The following CACHD1 variants were observed in gnomAD, a reference collection of about 807,000 sequenced individuals.
CACHD1 encodes the protein VWFA and cache domain-containing protein 1.
CACHD1 carries 71 observed loss-of-function variants against 138.7 expected under a neutral mutation model. That is an observed-to-expected ratio of 0.51 (90% CI 0.42 to 0.62). The LOEUF (loss-of-function observed/expected upper bound fraction) is 0.62. Ranked by LOEUF, CACHD1 falls within the 20% of genes least tolerant of loss-of-function variation. The pLI, the probability that CACHD1 is intolerant of heterozygous loss-of-function variation, is 0.00. For synonymous variants in CACHD1, 578 were observed against 591.5 expected, an observed-to-expected ratio of 0.98 and a Z score of 0.33; for missense variants, 1,389 against 1,625.3, an observed-to-expected ratio of 0.85 and a Z score of 2.50.
chr1:64,632,318 C>A (rs2100640485), intron 5 of CACHD1, among the ~76,000 whole-genome samples: 1 of 149,314 alleles, frequency 6.7e-6, no homozygotes, highest in East Asian at 2.0e-4. Flanking sequence ...AAAAAGCCAA[C>A]CTCTGAAAGG....
chr1:64,599,278 AATAG>A (rs1469312544), intron 3 of CACHD1, among the ~76,000 whole-genome samples: 1 of 152,236 alleles, frequency 6.6e-6, no homozygotes, highest in Non-Finnish European at 1.5e-5. Flanking sequence ...ATCTATATCT[AATAG>A]ATAGGACTGT....
At chr1:64,627,720 GA>G (rs1648160848) in intron 4 of CACHD1, among the ~76,000 whole-genome samples, 1 of 152,128 alleles carries the variant, frequency 6.6e-6, no homozygotes, top group Non-Finnish European at 1.5e-5. Context: ...ATTTGAGGCC[GA>G]GGGATTTAGT....
At chr1:64,582,012 G>A (rs994964998) in intron 2 of CACHD1, 144 bp from the exon 3 acceptor site, 1 of 867,852 alleles carries the variant, frequency 1.2e-6, no homozygotes, top group African/African-American at 1.7e-5. Context: ...CCACACAGGG[G>A]AATATGACTT....
At chr1:64,554,931 C>T (rs562315755) in intron 2 of CACHD1, among the ~76,000 whole-genome samples, 2 of 152,216 alleles carry the variant, frequency 1.3e-5, no homozygotes, top group East Asian at 3.9e-4. Flanking sequence ...ATTTATGATT[C>T]GTAAATAAGT....
intron 1 of CACHD1, among the ~76,000 whole-genome samples, chr1:64,500,949 T>A (rs1646336374): frequency 6.6e-6 from 1 of 151,296 alleles, no homozygotes; most frequent in Non-Finnish European, 1.5e-5. Flanking sequence ...CTTGGGAGGC[T>A]GAGGCAGGAG....
intron 1 of CACHD1, among the ~76,000 whole-genome samples, chr1:64,534,097 G>A (rs1296370802): frequency 6.7e-6 from 1 of 149,118 alleles, no homozygotes; most frequent in African/African-American, 2.5e-5. Context: ...AGGCTGGAGT[G>A]TAGTGGCATG....
At chr1:64,680,367 G>A (rs2499821) in intron 24 of CACHD1, among the ~76,000 whole-genome samples, 51,048 of 151,722 alleles carry the variant, frequency 0.34, 11,505 homozygotes, top group East Asian at 0.78. Context: ...ACCTACCCGT[G>A]GTCTGAGCTA....
At chr1:64,471,285 C>T (rs1359422191) in intron 1 of CACHD1, among the ~76,000 whole-genome samples, 2 of 152,226 alleles carry the variant, frequency 1.3e-5, no homozygotes, top group Non-Finnish European at 2.9e-5. Flanking sequence ...ACACATTTCC[C>T]ATGTAGGCTT....
intron 1 of CACHD1, among the ~76,000 whole-genome samples, chr1:64,517,367 A>G (rs1448688394): frequency 2.0e-5 from 3 of 152,214 alleles, no homozygotes; most frequent in Admixed American, 2.0e-4. Flanking sequence ...TGGGAAATAA[A>G]TGATATCATA....
chr1:64,659,150 G>A (rs1649360569), intron 13 of CACHD1, among the ~76,000 whole-genome samples: 1 of 152,152 alleles, frequency 6.6e-6, no homozygotes, highest in African/African-American at 2.4e-5. Context: ...AGGCAAAAAA[G>A]ACAAGTTTGA....
At chr1:64,542,540 G>A (rs769900156) in intron 1 of CACHD1, among the ~76,000 whole-genome samples, 14 of 152,148 alleles carry the variant, frequency 9.2e-5, no homozygotes, top group Middle Eastern at 3.4e-3. Context: ...GGATGTATGT[G>A]CTTTTGTGAG....
intron 13 of CACHD1, among the ~76,000 whole-genome samples, chr1:64,661,629 C>T (rs1321202006): frequency 5.3e-5 from 8 of 152,124 alleles, no homozygotes; most frequent in Non-Finnish European, 8.8e-5. Context: ...CAGATCCTAA[C>T]TTCTTTGAGT....
intron 13 of CACHD1, among the ~76,000 whole-genome samples, chr1:64,660,182 C>T (rs1007371261): frequency 2.6e-5 from 4 of 152,136 alleles, no homozygotes; most frequent in Non-Finnish European, 5.9e-5. Context: ...CTTTTAAGTT[C>T]TGTGTGAGCA....
chr1:64,568,795 A>G (rs1412805144), intron 2 of CACHD1, among the ~76,000 whole-genome samples: 1 of 152,186 alleles, frequency 6.6e-6, no homozygotes, highest in East Asian at 1.9e-4. Context: ...CACCCTGTGT[A>G]TGCACATGTT....
intron 4 of CACHD1, among the ~76,000 whole-genome samples, chr1:64,627,570 A>G (rs1261044222): frequency 1.3e-5 from 2 of 152,164 alleles, no homozygotes; most frequent in Non-Finnish European, 2.9e-5. Flanking sequence ...AGGCGGGCAC[A>G]TGACTGTTGC....
intron 24 of CACHD1, 57 bp from the exon 25 acceptor site, chr1:64,681,201 A>G (rs1650161140): frequency 7.6e-7 from 1 of 1,318,810 alleles, no homozygotes; most frequent in Non-Finnish European, 1.1e-6. Flanking sequence ...AGGGTATTAA[A>G]GCGGGTGATT....
chr1:64,671,791 A>G lies in CACHD1; in HGVS notation c.2510+105A>G. ...CGCATAGTTATGGTCAGGAATAGAA[A>G]TCTAATTTATGGCCTGGGTGTCCTA... On this transcript the variant is annotated intron_variant, in intron 17 of 26. Transcript: ENST00000651257. The G allele has an allele frequency of 5.8e-6, 8 of 1,383,812 alleles. No homozygotes were observed. The South Asian group carries it at 9.0e-5, about 16-fold the overall frequency. The allele number at this position is 1,383,812 out of a possible 1,614,324, so 85.7% of individuals were successfully genotyped here.
At chr1:64,485,089 A>G (rs182754129) in intron 1 of CACHD1, among the ~76,000 whole-genome samples, 10 of 152,324 alleles carry the variant, frequency 6.6e-5, no homozygotes, top group African/African-American at 2.4e-4. Context: ...TCCCACCAGC[A>G]ATGCACAAGG....
chr1:64,500,735 AG>A (rs1205537124), intron 1 of CACHD1, among the ~76,000 whole-genome samples: 817 of 6,426 alleles, frequency 0.13, 16 homozygotes, highest in African/African-American at 0.18. Context: ...AAAAAAAAAA[AG>A]AGAGAGAGAG....
Sources: allele counts gnomAD v4.1 joint callset (sites outside exome capture counted in the v4.1 genomes callset), GRCh38; gene constraint gnomAD v4.1.1; transcripts MANE v1.5; gene names NCBI Gene and HGNC (gene_info 2026-07-23, HGNC 2026-07-21).